Variants in NUGGC observed in about 807,000 individuals in gnomAD.
The protein encoded by NUGGC is nuclear GTPase SLIP-GC.
In NUGGC, 58 loss-of-function variants were observed where a neutral mutation model predicts 92.6. The observed-to-expected ratio is 0.63, with a 90% CI of 0.51 to 0.78. The LOEUF is 0.78. NUGGC is among the 30% of genes least tolerant of loss of function. The pLI, the probability that NUGGC is intolerant of heterozygous loss-of-function variation, is 0.00. For missense variants in NUGGC, 925 were observed against 964.6 expected, an observed-to-expected ratio of 0.96 and a Z score of 0.54; for synonymous variants, 376 against 366.4, an observed-to-expected ratio of 1.03 and a Z score of -0.30.
At chr8:28,030,920 A>G (rs999416575) in intron 15 of NUGGC, among the ~76,000 whole-genome samples, 1 of 152,220 alleles carries the variant, frequency 6.6e-6, no homozygotes, top group African/African-American at 2.4e-5. Context: ...GTTAGTGAAA[A>G]TGGTTCCAGT....
chr8:28,053,008 G>C (rs866246024), intron 10 of NUGGC, among the ~76,000 whole-genome samples: 8 of 152,142 alleles, frequency 5.3e-5, no homozygotes, highest in Middle Eastern at 3.4e-3. Context: ...CTAGGAAAGG[G>C]AGACATCCAC....
chr8:28,060,370 C>G, intron 8 of NUGGC, 56 bp downstream of exon 8: 1 of 1,506,468 alleles, frequency 6.6e-7, no homozygotes, highest in Non-Finnish European at 9.2e-7. Flanking sequence ...GTAGTCAGGA[C>G]CCACAGAGGA....
At chr8:28,077,119 G>T (rs1349011989) in intron 1 of NUGGC, among the ~76,000 whole-genome samples, 1 of 151,946 alleles carries the variant, frequency 6.6e-6, no homozygotes, top group Non-Finnish European at 1.5e-5. Flanking sequence ...GCCCTATGAG[G>T]TCACCAAATT....
At chr8:28,080,634 G>T (rs1488379324) in intron 1 of NUGGC, among the ~76,000 whole-genome samples, 1 of 152,016 alleles carries the variant, frequency 6.6e-6, no homozygotes, top group Non-Finnish European at 1.5e-5. Flanking sequence ...ATAATTTTTT[G>T]TATCTATATC....
intron 14 of NUGGC, among the ~76,000 whole-genome samples, chr8:28,031,604 T>C (rs976976914): frequency 1.4e-4 from 21 of 152,138 alleles, no homozygotes; most frequent in African/African-American, 4.6e-4. Flanking sequence ...GTGAGAAAAT[T>C]GAGGTTCAGA....
At chr8:28,049,394 G>T (rs1218956202) in intron 10 of NUGGC, among the ~76,000 whole-genome samples, 1 of 152,248 alleles carries the variant, frequency 6.6e-6, no homozygotes, top group Admixed American at 6.5e-5. Flanking sequence ...TTAAGTTTAA[G>T]TAGAGTTTTA....
chr8:28,052,928 G>A (rs952019940), intron 10 of NUGGC, among the ~76,000 whole-genome samples: 17 of 152,188 alleles, frequency 1.1e-4, no homozygotes, highest in African/African-American at 3.1e-4. Context: ...TGATGTTAGT[G>A]GAAGTATGGT....
At chr8:28,057,166 A>T (rs1000698670) in intron 9 of NUGGC, among the ~76,000 whole-genome samples, 4 of 152,084 alleles carry the variant, frequency 2.6e-5, no homozygotes, top group African/African-American at 9.7e-5. Flanking sequence ...TTACAAGAAA[A>T]AGTTGAATCG....
chr8:28,047,743 AACAG>A (rs369498740), intron 10 of NUGGC, 131 bp from the exon 11 acceptor site: 3 of 568,920 alleles, frequency 5.3e-6, no homozygotes, highest in African/African-American at 3.8e-5. Flanking sequence ...CCTCTCTGGG[AACAG>A]ACAATGTTCT....
Position 28,047,118 on chromosome 8 carries a change from G to T in NUGGC, c.1312+389C>A, listed in dbSNP as rs542953602. 8.5e-5 allele frequency among the ~76,000 whole-genome samples: 13 copies of T among 152,106 alleles called. No individual in the cohort carries two copies. In the South Asian group the frequency reaches 1.7e-3, roughly 19 times the overall value. ...CCCAAGTAGCTGAGATTATAGGCATGCACCACCACGCCTGGCAAATTTTGT... is the reference window on the plus strand; with the variant it reads ...CCCAAGTAGCTGAGATTATAGGCATTCACCACCACGCCTGGCAAATTTTGT... On this transcript the variant is annotated intron_variant, in intron 11 of 18. Transcript: ENST00000413272.
At chr8:28,064,360 C>A (rs939070823) in intron 7 of NUGGC, among the ~76,000 whole-genome samples, 162 bp downstream of exon 7, 1 of 152,186 alleles carries the variant, frequency 6.6e-6, no homozygotes, top group African/African-American at 2.4e-5. Context: ...CTCTGGCTAC[C>A]CACACCCTGC....
Position 28,030,388 on chromosome 8 carries a change from G to A in NUGGC, c.1939C>T (p.His647Tyr). The A allele has an allele frequency of 6.3e-7, 1 of 1,576,470 alleles. No homozygotes were observed. The highest frequency in any genetic ancestry group is 8.6e-7 in the Non-Finnish European group (1 of 1,159,078). Reference sequence around the variant, plus strand: ...ATCCTCCTCTTCCTTCTGAGGATGTGGTCCTCCAGGCCCCCGAGGATGGCA... The same window carrying A: ...ATCCTCCTCTTCCTTCTGAGGATGTAGTCCTCCAGGCCCCCGAGGATGGCA... ...ISAILGGLED[H>Y]ILRRKRRIYE... Residue 647 changes from histidine to tyrosine, a missense_variant, in exon 16 of 19, where the codon CAC (histidine) becomes TAC (tyrosine). Transcript: ENST00000413272.
rs1463687209 is a variant in NUGGC at position 28,074,394 on chromosome 8, T to C, written c.17A>G (p.Asp6Gly). The C allele has an allele frequency of 1.9e-6, 3 of 1,613,642 alleles. No homozygotes were observed. Among genetic ancestry groups the C allele is most frequent in the African/African-American group, 1.3e-5 (1 of 74,916 alleles). ...TGGATGCGGTTCCTGGCCAAAAACA[T>C]CCTTCGTTTCTGCCATTCCTTGTTA... is the stretch of plus-strand genomic sequence containing the variant. MAETK[D>G]VFGQEPHPVE... The change falls in exon 2 of 19, where the codon GAT becomes GGT. Residue 6 changes from aspartate (D) to glycine (G), a missense_variant. By Grantham distance (94) the Asp-to-Gly change is moderately conservative. Transcript: ENST00000413272.
Position 28,066,384 on chromosome 8 carries a change from T to G in NUGGC, c.711+1130A>C, listed in dbSNP as rs140263177. ...ATTTTTAAGTGTGCCTAGTCAAGCA[T>G]TTAAACATTTTAAGAGGCTCAAGTA... is the stretch of plus-strand genomic sequence containing the variant. On this transcript the variant is annotated intron_variant, in intron 6 of 18. Transcript: ENST00000413272. Among the ~76,000 whole-genome samples the G allele has an allele frequency of 3.0e-4, 46 of 152,360 alleles. 1 individual carries two copies. In the East Asian group the frequency reaches 8.7e-3, roughly 29 times the overall value.
chr8:28,023,565 A>G, intron 18 of NUGGC, 103 bp from the exon 19 acceptor site: 1 of 1,162,702 alleles, frequency 8.6e-7, no homozygotes, highest in Non-Finnish European at 1.2e-6. Context: ...CCAGAATATG[A>G]GATCTGGAGT....
chr8:28,041,889 G>T (rs1239012538), intron 12 of NUGGC, among the ~76,000 whole-genome samples: 1 of 152,030 alleles, frequency 6.6e-6, no homozygotes, highest in Admixed American at 6.5e-5. Flanking sequence ...ACCCCTAGGT[G>T]CCTGATATGG....
Position 28,029,306 on chromosome 8 carries a change from C to G in NUGGC, c.2114G>C (p.Arg705Thr). 6.2e-7 allele frequency: 1 copy of G among 1,607,844 alleles called. No homozygotes were observed. The highest frequency in any genetic ancestry group is 8.5e-7 in the Non-Finnish European group (1 of 1,177,214). ...DRQVAEGMFE[R>T]AQERMQHQFQ... ...CTGGTGCTGCATCCTTTCCTGGGCC[C>G]TTTCAAACATGCCCTCAGCCACCTG... The change falls in exon 17 of 19, where the codon AGG (arginine) becomes ACG (threonine). Residue 705 changes from arginine to threonine, a missense_variant. Arg to Thr is a moderately conservative substitution (Grantham distance 71, BLOSUM62 -1). Coordinates refer to ENST00000413272, the MANE Select transcript of NUGGC (RefSeq NM_001010906.2).
intron 2 of NUGGC, 90 bp downstream of exon 2, chr8:28,074,278 G>T: frequency 1.1e-6 from 1 of 882,024 alleles, no homozygotes; most frequent in Non-Finnish European, 1.9e-6. Context: ...AATGACAACA[G>T]TGAAATATAG....
intron 12 of NUGGC, among the ~76,000 whole-genome samples, chr8:28,044,933 G>C (rs917735706): frequency 3.3e-5 from 5 of 152,080 alleles, no homozygotes; most frequent in African/African-American, 1.2e-4. Context: ...TCTTATTTTA[G>C]GGTTAAAAAG....
Sources: gnomAD v4.1 joint callset for allele counts (sites outside exome capture counted in the v4.1 genomes callset) on GRCh38, gnomAD v4.1.1 for gene constraint, MANE v1.5 for transcripts, NCBI Gene and HGNC (gene_info 2026-07-23, HGNC 2026-07-21) for gene names.